TMEM131: variants seen among roughly 807,000 people sequenced by gnomAD.
The protein encoded by TMEM131 is transmembrane protein 131.
Under a neutral mutation model 211.6 loss-of-function variants are expected in TMEM131, and 66 were observed. That is an observed-to-expected ratio of 0.31 (90% CI 0.26 to 0.38). The LOEUF (loss-of-function observed/expected upper bound fraction) is 0.38, where lower values mean the gene tolerates loss of function less well. Among genes scored for constraint, TMEM131 ranks in the 10% least tolerant of loss-of-function variants. The pLI is 1.00. For synonymous variants in TMEM131, 844 were observed against 841.3 expected (o/e 1.00, Z -0.06); for missense variants, 2,036 against 2,299.3 (o/e 0.89, Z 2.34).
At chr2:97,896,589 G>A (rs1158699050) in intron 3 of TMEM131, among the ~76,000 whole-genome samples, 1 of 152,050 alleles carries the variant, frequency 6.6e-6, no homozygotes, top group Admixed American at 6.6e-5. Context: ...TCTTCTTGTT[G>A]CATTGATCCC....
chr2:97,797,301 A>T, intron 26 of TMEM131, 64 bp downstream of exon 26: 1 of 1,428,636 alleles, frequency 7.0e-7, no homozygotes, highest in Non-Finnish European at 9.5e-7. Context: ...AATTCATCTT[A>T]AAACAAGTGA....
chr2:97,928,321 A>C (rs569180669), intron 1 of TMEM131, among the ~76,000 whole-genome samples: 13 of 149,140 alleles, frequency 8.7e-5, no homozygotes, highest in Admixed American at 5.9e-4. Flanking sequence ...CTAGGAGATC[A>C]GGGGGAGATG....
At chr2:97,966,082 T>C (rs1306565170) in intron 1 of TMEM131, among the ~76,000 whole-genome samples, 1 of 151,900 alleles carries the variant, frequency 6.6e-6, no homozygotes, top group African/African-American at 2.4e-5. Context: ...TGCTATCATT[T>C]TGACAGGGGT....
chr2:97,969,671 T>C (rs1340283741), intron 1 of TMEM131, among the ~76,000 whole-genome samples: 2 of 152,194 alleles, frequency 1.3e-5, no homozygotes, highest in Non-Finnish European at 2.9e-5. Context: ...GATTATTCCA[T>C]ACATCACTGT....
In TMEM131 at chr2:97,762,096, C is replaced by T. The variant is rs956033927; in HGVS notation, c.4828G>A (p.Ala1610Thr). The T allele has an allele frequency of 3.1e-6, 5 of 1,611,084 alleles. No individual in the cohort carries two copies. The highest frequency in any genetic ancestry group is 4.2e-6 in the Non-Finnish European group (5 of 1,178,556). ...CCCCGGGCCACAAAGGGGCAGGGGGCAGCTGGGGGAGACGGGGAAGCAGGT... is the reference window on the plus strand; with the variant it reads ...CCCCGGGCCACAAAGGGGCAGGGGGTAGCTGGGGGAGACGGGGAAGCAGGT... ...PTPASPSPPA[A>T]PCPFVARGSY... Residue 1610 changes from alanine (A) to threonine (T), a missense_variant, in exon 36 of 41, where the codon GCC (alanine) becomes ACC (threonine). Ala to Thr is a moderately conservative substitution (Grantham distance 58, BLOSUM62 0). This residue lies in a region of TMEM131 where 1,623 missense variants were observed against 1,805.9 expected (regional missense o/e 0.90). Coordinates refer to ENST00000186436, the MANE Select transcript of TMEM131 (RefSeq NM_015348.2).
At chr2:97,955,775 A>T (rs916593372) in intron 1 of TMEM131, among the ~76,000 whole-genome samples, 2 of 152,186 alleles carry the variant, frequency 1.3e-5, no homozygotes, top group Non-Finnish European at 2.9e-5. Context: ...AATACTTGCA[A>T]TCACTCCGGA....
At position 97,972,785 on chromosome 2, in the gene TMEM131, G is replaced by T. The variant is rs190815384; in HGVS notation, c.187+22691C>A. Among the ~76,000 whole-genome samples, 528 of 152,246 alleles carry T rather than the reference G, an allele frequency of 3.5e-3. 2 individuals carry two copies. Among genetic ancestry groups the T allele is most frequent in the African/African-American group, 0.012 (505 of 41,528 alleles). On this transcript the variant is annotated intron_variant, in intron 1 of 40. Coordinates refer to ENST00000186436, the MANE Select transcript of TMEM131 (RefSeq NM_015348.2). ...GGGAGGCAGAAGAGGGTGACCCAGA[G>T]AGAAGGCACATAAGGAGGACTCGGC...
intron 1 of TMEM131, among the ~76,000 whole-genome samples, chr2:97,967,007 C>A (rs1403983049): frequency 6.6e-6 from 1 of 151,928 alleles, no homozygotes; most frequent in Non-Finnish European, 1.5e-5. Flanking sequence ...TTCAACCACA[C>A]CTGCCCACCA....
At chr2:97,967,368 CT>C (rs1167628645) in intron 1 of TMEM131, among the ~76,000 whole-genome samples, 8 of 152,132 alleles carry the variant, frequency 5.3e-5, no homozygotes, top group African/African-American at 1.9e-4. Flanking sequence ...GAAAAATATA[CT>C]GGTTGCATGA....
intron 1 of TMEM131, among the ~76,000 whole-genome samples, chr2:97,934,207 C>T (rs1002605567): frequency 6.6e-6 from 1 of 152,222 alleles, no homozygotes; most frequent in Admixed American, 6.5e-5. Flanking sequence ...AAATCCAGTA[C>T]ATTTCTATAT....
At chr2:97,890,691 T>C (rs928245531) in intron 3 of TMEM131, among the ~76,000 whole-genome samples, 11 of 152,236 alleles carry the variant, frequency 7.2e-5, no homozygotes, top group African/African-American at 2.7e-4. Flanking sequence ...GATTCTCTCA[T>C]GATTTTCCAC....
chr2:97,815,661 G>T (rs771849388), intron 12 of TMEM131, among the ~76,000 whole-genome samples: 29 of 152,090 alleles, frequency 1.9e-4, no homozygotes, highest in African/African-American at 6.3e-4. Context: ...TTAATTCTTC[G>T]TTGCGGAGGC....
intron 1 of TMEM131, among the ~76,000 whole-genome samples, chr2:97,935,562 T>A (rs1677406361): frequency 6.6e-6 from 1 of 152,228 alleles, no homozygotes; most frequent in South Asian, 2.1e-4. Context: ...TGAAATTTAA[T>A]TTCAGGACCT....
At chr2:97,780,388 C>G (rs961827901) in intron 31 of TMEM131, among the ~76,000 whole-genome samples, 1 of 152,180 alleles carries the variant, frequency 6.6e-6, no homozygotes, top group Non-Finnish European at 1.5e-5. Context: ...TCAAGTGTTG[C>G]CTGGCCACCC....
At chr2:97,928,574 G>T (rs1177260017) in intron 1 of TMEM131, among the ~76,000 whole-genome samples, 1 of 151,828 alleles carries the variant, frequency 6.6e-6, no homozygotes, top group Non-Finnish European at 1.5e-5. Flanking sequence ...CAACCTTACT[G>T]AAGTGGGGGG....
Position 97,888,139 on chromosome 2 carries a change from C to A in TMEM131, c.291-19G>T, listed in dbSNP as rs1230029003. On this transcript the variant is annotated intron_variant, in intron 3 of 40. Transcript: ENST00000186436. ...AGATATACTGTAAATAAAAAGAAAA[C>A]AACATAAGAAGCAATTCTTCAAAAT... The A allele has an allele frequency of 5.0e-6, 8 of 1,599,386 alleles. No individual in the cohort carries two copies. In the South Asian group the frequency reaches 8.9e-5, roughly 18 times the overall value.
intron 1 of TMEM131, among the ~76,000 whole-genome samples, chr2:97,961,630 G>A (rs1010160891): frequency 5.3e-5 from 8 of 152,084 alleles, no homozygotes; most frequent in African/African-American, 1.7e-4. Flanking sequence ...TCCCTTTAAA[G>A]ACTTACTAAA....
intron 34 of TMEM131, 33 bp downstream of exon 34, chr2:97,766,445 A>G (rs377721499): frequency 1.2e-6 from 2 of 1,613,668 alleles, no homozygotes; most frequent in African/African-American, 2.7e-5. Flanking sequence ...AAAGATCCGT[A>G]AGACATGATC....
chr2:97,977,837 C>A (rs1285920424), intron 1 of TMEM131, among the ~76,000 whole-genome samples: 1 of 152,082 alleles, frequency 6.6e-6, no homozygotes, highest in African/African-American at 2.4e-5. Flanking sequence ...CCTATAATCC[C>A]AGCACTTTGG....
Sources: allele counts gnomAD v4.1 joint callset (sites outside exome capture counted in the v4.1 genomes callset), GRCh38; gene constraint gnomAD v4.1.1; regional missense constraint gnomAD v4.1.1; transcripts MANE v1.5; gene names NCBI Gene and HGNC (gene_info 2026-07-23, HGNC 2026-07-21).